Variants in CAPN7 observed in about 807,000 individuals in gnomAD.
CAPN7 encodes the protein calpain-7.
Under a neutral mutation model 115.2 loss-of-function variants are expected in CAPN7, and 72 were observed. The observed-to-expected ratio is 0.63, with a 90% CI of 0.52 to 0.76. The LOEUF (loss-of-function observed/expected upper bound fraction) is 0.76, where lower values mean the gene tolerates loss of function less well. CAPN7 is among the 30% of genes least tolerant of loss of function. The probability of loss-of-function intolerance (pLI) is 0.00; values close to 1 mark genes in which losing one functional copy is unlikely to be tolerated. For missense variants in CAPN7, 905 were observed against 971.5 expected, an observed-to-expected ratio of 0.93 and a Z score of 0.91; for synonymous variants, 344 against 322.3, an observed-to-expected ratio of 1.07 and a Z score of -0.72.
intron 1 of CAPN7, among the ~76,000 whole-genome samples, chr3:15,210,196 C>G (rs1316376983): frequency 6.6e-6 from 1 of 151,594 alleles, no homozygotes. Context: ...ATGGGGATTT[C>G]ACTATGTTGC....
At chr3:15,211,165 T>C (rs2044920670) in intron 1 of CAPN7, among the ~76,000 whole-genome samples, 1 of 152,212 alleles carries the variant, frequency 6.6e-6, no homozygotes, top group African/African-American at 2.4e-5. Flanking sequence ...TGGAGAAAAC[T>C]GTTTTCCTTT....
At position 15,210,321 on chromosome 3, in the gene CAPN7, C is replaced by T. The variant is rs543241863; in HGVS notation, c.103-1783C>T. Among the ~76,000 whole-genome samples the T allele has an allele frequency of 1.6e-4, 24 of 151,976 alleles. No individual in the cohort carries two copies. The South Asian group carries it at 5.0e-3, about 32-fold the overall frequency. ...TTATTTGGAAATTAATAATCACATACAAGATAACTGAAGGGGCAATATATG... is the reference window on the plus strand; with the variant it reads ...TTATTTGGAAATTAATAATCACATATAAGATAACTGAAGGGGCAATATATG... On this transcript the variant is annotated intron_variant, in intron 1 of 20. Transcript: ENST00000253693.
At chr3:15,217,106 G>A (rs927621222) in intron 2 of CAPN7, among the ~76,000 whole-genome samples, 8 of 151,808 alleles carry the variant, frequency 5.3e-5, no homozygotes, top group African/African-American at 1.7e-4. Flanking sequence ...AATTAGCCAG[G>A]CATGGTGGTA....
chr3:15,248,068 T>C (rs2125014950), intron 19 of CAPN7, among the ~76,000 whole-genome samples: 1 of 152,140 alleles, frequency 6.6e-6, no homozygotes. Flanking sequence ...GAGATATACC[T>C]AATGCTAGAT....
chr3:15,214,858 C>T (rs1467329397), intron 2 of CAPN7, among the ~76,000 whole-genome samples: 1 of 152,134 alleles, frequency 6.6e-6, no homozygotes, highest in African/African-American at 2.4e-5. Flanking sequence ...AGCAATTTGC[C>T]CCCCAGGGGA....
intron 6 of CAPN7, among the ~76,000 whole-genome samples, chr3:15,226,432 T>C (rs1429600407): frequency 6.6e-6 from 1 of 152,188 alleles, no homozygotes; most frequent in East Asian, 1.9e-4. Context: ...TTAATAATCC[T>C]CTAGTGACTT....
chr3:15,250,343 C>T (rs1695931395), intron 19 of CAPN7, among the ~76,000 whole-genome samples: 1 of 151,854 alleles, frequency 6.6e-6, no homozygotes, highest in Non-Finnish European at 1.5e-5. Context: ...CCACTGTACT[C>T]CAGCCTGGGT....
intron 8 of CAPN7, among the ~76,000 whole-genome samples, chr3:15,230,073 C>T (rs1450933990): frequency 6.6e-6 from 1 of 152,128 alleles, no homozygotes; most frequent in African/African-American, 2.4e-5. Flanking sequence ...AAAGTTGTAT[C>T]TACTTGCCTT....
chr3:15,226,929 C>G (rs1694354122), intron 6 of CAPN7, among the ~76,000 whole-genome samples: 1 of 151,398 alleles, frequency 6.6e-6, no homozygotes, highest in South Asian at 2.1e-4. Flanking sequence ...TTTTGAAAAC[C>G]AAGGATTTGT....
At position 15,227,110 on chromosome 3, in the gene CAPN7, A is replaced by T. The variant is rs1012282996; in HGVS notation, c.726-729A>T. Reference sequence around the variant, plus strand: ...GCAACATATGGAGACCTCAACTGTTAAAAAAAAAAAAAAAAAAGTTTAGGG... The same window carrying T: ...GCAACATATGGAGACCTCAACTGTTTAAAAAAAAAAAAAAAAAGTTTAGGG... On this transcript the variant is annotated intron_variant, in intron 6 of 20. Coordinates refer to ENST00000253693, the MANE Select transcript of CAPN7 (RefSeq NM_014296.3). 2.2e-5 allele frequency among the ~76,000 whole-genome samples: 2 copies of T among 89,572 alleles called. 1 individual carries two copies. Among genetic ancestry groups the T allele is most frequent in the East Asian group, 4.3e-4 (2 of 4,616 alleles). The allele number at this position is 89,572 out of a possible 152,430, so 58.8% of individuals were successfully genotyped here.
In CAPN7 at chr3:15,221,963, AAT is replaced by A. The variant is rs994030009; in HGVS notation, c.638+985_638+986del. Among the ~76,000 whole-genome samples the A allele has an allele frequency of 4.6e-5, 7 of 152,166 alleles. No homozygotes were observed. In the South Asian group the frequency reaches 1.2e-3, roughly 27 times the overall value. On this transcript the variant is annotated intron_variant, in intron 5 of 20. Transcript: ENST00000253693. ...AGGGAGATCCCGTCTCAAAAAAAAA[AAT>A]ATGTGTGTATACACGTGTATATACA...
At chr3:15,225,693 A>G (rs1162693513) in intron 6 of CAPN7, among the ~76,000 whole-genome samples, 1 of 152,162 alleles carries the variant, frequency 6.6e-6, no homozygotes, top group African/African-American at 2.4e-5. Flanking sequence ...TAGCATATAA[A>G]CTTCATAAGG....
chr3:15,217,659 C>A, intron 3 of CAPN7, 77 bp downstream of exon 3: 1 of 1,184,986 alleles, frequency 8.4e-7, no homozygotes, highest in Non-Finnish European at 1.1e-6. Flanking sequence ...TTACATAACA[C>A]CTTGAATAAA....
intron 6 of CAPN7, among the ~76,000 whole-genome samples, chr3:15,226,177 G>A (rs1173096957): frequency 6.6e-6 from 1 of 152,122 alleles, no homozygotes; most frequent in Non-Finnish European, 1.5e-5. Flanking sequence ...CCAGATTCAA[G>A]AGATTCTTCT....
At chr3:15,243,326 T>C (rs778229988) in intron 16 of CAPN7, among the ~76,000 whole-genome samples, 21 of 152,198 alleles carry the variant, frequency 1.4e-4, no homozygotes, top group Non-Finnish European at 2.4e-4. Flanking sequence ...AGTCTTTGGC[T>C]TGTCATAATC....
intron 2 of CAPN7, 34 bp from the exon 3 acceptor site, chr3:15,217,391 A>C (rs1307500449): frequency 6.6e-7 from 1 of 1,520,720 alleles, no homozygotes; most frequent in Non-Finnish European, 8.9e-7. Context: ...TATTTAGATA[A>C]TACTCCTTCT....
chr3:15,247,514 A>G (rs1213169173), intron 19 of CAPN7, 57 bp downstream of exon 19: 12 of 1,449,918 alleles, frequency 8.3e-6, no homozygotes, highest in Non-Finnish European at 1.1e-5. Context: ...TGAACATAGT[A>G]TAACAAAAAA....
At position 15,232,590 on chromosome 3, in the gene CAPN7, T is replaced by A. The variant is rs761406770; in HGVS notation, c.1104T>A (p.Ser368Arg). ...ELLCSYSNNK[S>R]ELWVSLIEKA... ...TCTGTTCTTATTCCAACAACAAAAG[T>A]GAATTATGGGTTTCTCTCATAGAAA... The change falls in exon 10 of 21, where the codon AGT becomes AGA. Residue 368 changes from serine (S) to arginine (R), a missense_variant. Coordinates refer to ENST00000253693, the MANE Select transcript of CAPN7 (RefSeq NM_014296.3). The A allele has an allele frequency of 6.2e-7, 1 of 1,612,740 alleles. No homozygotes were observed. Among genetic ancestry groups the A allele is most frequent in the Admixed American group, 1.7e-5 (1 of 59,842 alleles).
At chr3:15,237,271 A>C (rs574938415) in intron 12 of CAPN7, among the ~76,000 whole-genome samples, 1 of 152,292 alleles carries the variant, frequency 6.6e-6, no homozygotes, top group Non-Finnish European at 1.5e-5. Flanking sequence ...TTTTCTTAAA[A>C]TCCGAAACAT....
Sources: allele counts gnomAD v4.1 joint callset (sites outside exome capture counted in the v4.1 genomes callset), GRCh38; gene constraint gnomAD v4.1.1; transcripts MANE v1.5; gene names NCBI Gene and HGNC (gene_info 2026-07-23, HGNC 2026-07-21).